Variants in EMCN observed in about 807,000 individuals in gnomAD.
The protein encoded by EMCN is endomucin, also known as MUC-14.
Under a neutral mutation model 38.4 loss-of-function variants are expected in EMCN, and 37 were observed. The ratio of observed to expected loss-of-function variants is 0.96; its 90% CI spans 0.74 to 1.27. The LOEUF (loss-of-function observed/expected upper bound fraction) is 1.27. EMCN is among the 50% of genes most tolerant of loss of function. The pLI is 0.00. For synonymous variants in EMCN, 95 were observed against 100.8 expected (o/e 0.94, Z 0.35); for missense variants, 318 against 302.8 (o/e 1.05, Z -0.37).
At chr4:100,423,665 G>C (rs998875763) in intron 5 of EMCN, among the ~76,000 whole-genome samples, 1 of 152,094 alleles carries the variant, frequency 6.6e-6, no homozygotes, top group Non-Finnish European at 1.5e-5. Flanking sequence ...AAGTTTTTTA[G>C]CGTAGATTAC....
At chr4:100,414,348 CTTTT>C (rs5860622) in intron 10 of EMCN, among the ~76,000 whole-genome samples, 30 of 59,794 alleles carry the variant, frequency 5.0e-4, no homozygotes, top group African/African-American at 1.9e-3. Context: ...TGCTTGAGCA[CTTTT>C]TTTTTTTTTT....
intron 10 of EMCN, among the ~76,000 whole-genome samples, chr4:100,411,644 G>A (rs1254746564): frequency 6.6e-6 from 1 of 151,864 alleles, no homozygotes; most frequent in Non-Finnish European, 1.5e-5. Context: ...TATGAAGATT[G>A]TTTCATAGGT....
At chr4:100,453,433 A>C (rs1578203852) in intron 4 of EMCN, among the ~76,000 whole-genome samples, 4 of 152,366 alleles carry the variant, frequency 2.6e-5, no homozygotes, top group Admixed American at 2.6e-4. Context: ...GCTCATCATC[A>C]CTGGCCATCA....
intron 4 of EMCN, among the ~76,000 whole-genome samples, chr4:100,454,238 C>CAAA (rs397879572): frequency 0.036 from 4,429 of 124,390 alleles, 178 homozygotes; most frequent in East Asian, 0.095. Context: ...AAGCCATTAG[C>CAAA]AAAAAAAAAA....
At chr4:100,485,418 T>A (rs1204986124) in intron 1 of EMCN, among the ~76,000 whole-genome samples, 1 of 152,072 alleles carries the variant, frequency 6.6e-6, no homozygotes, top group Admixed American at 6.6e-5. Flanking sequence ...AGTTTGCATG[T>A]AATGGCAATG....
intron 10 of EMCN, among the ~76,000 whole-genome samples, chr4:100,412,696 A>AT (rs1000213757): frequency 7.2e-5 from 11 of 151,910 alleles, no homozygotes; most frequent in Admixed American, 2.6e-4. Flanking sequence ...TTTGATGCCC[A>AT]TTTTTTTTCC....
At chr4:100,429,171 C>T (rs1727131901) in intron 5 of EMCN, among the ~76,000 whole-genome samples, 1 of 152,118 alleles carries the variant, frequency 6.6e-6, no homozygotes, top group Non-Finnish European at 1.5e-5. Flanking sequence ...CAAGAATGGA[C>T]TCTGAGCACC....
chr4:100,438,512 CAT>C (rs577481175), intron 5 of EMCN, among the ~76,000 whole-genome samples: 33 of 151,972 alleles, frequency 2.2e-4, no homozygotes, highest in Non-Finnish European at 4.1e-4. Context: ...AATCATTACA[CAT>C]AAGATTATTT....
intron 1 of EMCN, among the ~76,000 whole-genome samples, chr4:100,489,771 C>A (rs570851610): frequency 6.6e-6 from 1 of 152,236 alleles, no homozygotes; most frequent in South Asian, 2.1e-4. Flanking sequence ...GATACAAAAC[C>A]TGTGGATACG....
At chr4:100,474,471 C>A (rs1194525022) in intron 3 of EMCN, among the ~76,000 whole-genome samples, 18 of 152,116 alleles carry the variant, frequency 1.2e-4, no homozygotes, top group African/African-American at 4.3e-4. Flanking sequence ...TAGAGTTAAC[C>A]TGTGACTTAG....
chr4:100,403,468 CATCTAGGTTGGTGG>C (rs1179557563), intron 11 of EMCN, among the ~76,000 whole-genome samples: 2 of 151,842 alleles, frequency 1.3e-5, no homozygotes, highest in East Asian at 3.9e-4. Flanking sequence ...GGTTGGTGGG[CATCTAGGTTGGTGG>C]GCATCTAGGT....
At chr4:100,433,692 C>T (rs1475487867) in intron 5 of EMCN, among the ~76,000 whole-genome samples, 1 of 151,990 alleles carries the variant, frequency 6.6e-6, no homozygotes, top group African/African-American at 2.4e-5. Context: ...AGTGCCACCA[C>T]ACCTAGCCAA....
intron 1 of EMCN, among the ~76,000 whole-genome samples, chr4:100,485,189 A>G (rs989573089): frequency 1.3e-5 from 2 of 152,170 alleles, no homozygotes; most frequent in Non-Finnish European, 2.9e-5. Flanking sequence ...TGATATTAAA[A>G]CAATTTTAAT....
At chr4:100,516,101 T>C in intron 1 of EMCN, among the ~76,000 whole-genome samples, 1 of 152,110 alleles carries the variant, frequency 6.6e-6, no homozygotes, top group East Asian at 1.9e-4. Flanking sequence ...TCTGCTCAAA[T>C]GGAAATTATC....
At chr4:100,453,557 C>A (rs1560621474) in intron 4 of EMCN, among the ~76,000 whole-genome samples, 1 of 151,508 alleles carries the variant, frequency 6.6e-6, no homozygotes, top group African/African-American at 2.4e-5. Context: ...AATAGGAACA[C>A]TTTTACACTG....
intron 4 of EMCN, among the ~76,000 whole-genome samples, chr4:100,456,763 C>A (rs554852308): frequency 6.6e-6 from 1 of 152,174 alleles, no homozygotes; most frequent in South Asian, 2.1e-4. Context: ...TTCTTATCTA[C>A]CTGAAAATAG....
intron 4 of EMCN, among the ~76,000 whole-genome samples, chr4:100,448,839 C>CTTCCTTCCTTCCTTCCTTCCTTCCTTA (rs1560619352): frequency 4.0e-5 from 6 of 149,414 alleles, no homozygotes; most frequent in African/African-American, 1.5e-4. Flanking sequence ...TCCCTCCCTC[C>CTTCCTTCCTTCCTTCCTTCCTTCCTTA]CTCCCTTCCT....
chr4:100,397,317 G>A lies in EMCN; in HGVS notation c.*1096C>T, dbSNP rs1469917745. 1 of 152,122 alleles carries A rather than the reference G, an allele frequency of 6.6e-6. No homozygotes were observed. The highest frequency in any genetic ancestry group is 1.5e-5 in the Non-Finnish European group (1 of 68,018). 9.4% of individuals were successfully genotyped at this position (152,122 alleles called of 1,614,324 possible). Reference sequence around the variant, plus strand: ...TCTCACATGTCAAAAAAGTGGTCAAGGTTGATCAGTTAGCTTTTAACAGAA... The same window carrying A: ...TCTCACATGTCAAAAAAGTGGTCAAAGTTGATCAGTTAGCTTTTAACAGAA... On this transcript the variant is annotated 3_prime_UTR_variant, in exon 12 of 12. Transcript: ENST00000296420.
intron 5 of EMCN, among the ~76,000 whole-genome samples, chr4:100,440,018 AG>A (rs1727465466): frequency 6.6e-6 from 1 of 151,686 alleles, no homozygotes. Context: ...TTTAAAATTT[AG>A]TAAGTCTTGT....
Sources: allele counts gnomAD v4.1 joint callset (sites outside exome capture counted in the v4.1 genomes callset), GRCh38; gene constraint gnomAD v4.1.1; transcripts MANE v1.5; gene names NCBI Gene and HGNC (gene_info 2026-07-23, HGNC 2026-07-21).